Variants in SEMA6D observed in about 807,000 individuals in gnomAD.
The protein encoded by SEMA6D is semaphorin 6D, also known as semaphorin-6D.
SEMA6D carries 35 observed loss-of-function variants against 106.6 expected under a neutral mutation model. The ratio of observed to expected loss-of-function variants is 0.33; its 90% CI spans 0.25 to 0.44. SEMA6D has a LOEUF of 0.44. SEMA6D is among the 20% of genes least tolerant of loss of function. The pLI is 1.00. For synonymous variants in SEMA6D, 499 were observed against 487.7 expected (o/e 1.02, Z -0.31); for missense variants, 1,185 against 1,345.9 (o/e 0.88, Z 1.87).
chr15:47,326,219 T>G (rs1211193570), intron 1 of SEMA6D, among the ~76,000 whole-genome samples: 2 of 152,220 alleles, frequency 1.3e-5, no homozygotes, highest in Non-Finnish European at 2.9e-5. Context: ...TTCACAATCA[T>G]GCTTAAAATC....
intron 4 of SEMA6D, among the ~76,000 whole-genome samples, chr15:47,634,909 A>C (rs1044947382): frequency 1.3e-5 from 2 of 152,160 alleles, no homozygotes; most frequent in African/African-American, 4.8e-5. Flanking sequence ...GTCTGACTGG[A>C]ATGTGGAAGG....
chr15:47,720,445 G>A (rs1481693183), intron 1 of SEMA6D, among the ~76,000 whole-genome samples: 4 of 151,844 alleles, frequency 2.6e-5, no homozygotes, highest in Non-Finnish European at 5.9e-5. Flanking sequence ...GCACCATCTG[G>A]TCATGTCTCC....
At chr15:47,511,516 C>A (rs539015547) in intron 3 of SEMA6D, among the ~76,000 whole-genome samples, 5 of 152,110 alleles carry the variant, frequency 3.3e-5, no homozygotes, top group Non-Finnish European at 7.3e-5. Context: ...TTCACTACCC[C>A]CCTCCTGCCA....
intron 2 of SEMA6D, among the ~76,000 whole-genome samples, chr15:47,437,368 A>G (rs1299403239): frequency 6.6e-6 from 1 of 152,136 alleles, no homozygotes; most frequent in African/African-American, 2.4e-5. Flanking sequence ...GTAGGCAGTA[A>G]TAAAGTTTAC....
At chr15:47,644,185 AT>A (rs2077539588) in intron 4 of SEMA6D, among the ~76,000 whole-genome samples, 2 of 152,144 alleles carry the variant, frequency 1.3e-5, no homozygotes, top group South Asian at 4.1e-4. Context: ...CCCACTTAAT[AT>A]TTACTCCTTC....
chr15:47,638,048 A>G (rs1319340207), intron 4 of SEMA6D, among the ~76,000 whole-genome samples: 1 of 152,250 alleles, frequency 6.6e-6, no homozygotes, highest in Non-Finnish European at 1.5e-5. Context: ...AAACTTATTT[A>G]AAATTTGGTG....
intron 2 of SEMA6D, among the ~76,000 whole-genome samples, chr15:47,412,849 A>G (rs891208407): frequency 6.6e-6 from 1 of 152,230 alleles, no homozygotes; most frequent in Non-Finnish European, 1.5e-5. Flanking sequence ...TCTGTTTTCA[A>G]TTCTGCATGG....
intron 1 of SEMA6D, among the ~76,000 whole-genome samples, chr15:47,759,093 C>T (rs1218032150): frequency 9.9e-5 from 15 of 152,094 alleles, no homozygotes; most frequent in Admixed American, 9.2e-4. Context: ...CCTTGCTTTG[C>T]TTGATTGGTT....
intron 3 of SEMA6D, among the ~76,000 whole-genome samples, chr15:47,568,070 G>T (rs769644631): frequency 6.6e-6 from 1 of 151,722 alleles, no homozygotes; most frequent in Admixed American, 6.6e-5. Context: ...TCAAATTTCA[G>T]AGGTAATGTA....
At chr15:47,529,281 G>T (rs2044868465) in intron 3 of SEMA6D, among the ~76,000 whole-genome samples, 1 of 152,116 alleles carries the variant, frequency 6.6e-6, no homozygotes, top group Non-Finnish European at 1.5e-5. Context: ...CTGTCTCATG[G>T]GTGGCAAAGG....
intron 1 of SEMA6D, among the ~76,000 whole-genome samples, chr15:47,227,427 T>TTCTTTC: frequency 9.3e-6 from 1 of 107,272 alleles, no homozygotes; most frequent in East Asian, 2.1e-4. Flanking sequence ...TTCTCTTTCT[T>TTCTTTC]TCTTTCTTTC....
chr15:47,303,493 T>C (rs978406653), intron 1 of SEMA6D, among the ~76,000 whole-genome samples: 3 of 152,206 alleles, frequency 2.0e-5, no homozygotes, highest in African/African-American at 7.2e-5. Flanking sequence ...TTTAAAATCA[T>C]GCACCGTTTC....
At chr15:47,357,644 A>G (rs2038638441) in intron 1 of SEMA6D, among the ~76,000 whole-genome samples, 1 of 152,118 alleles carries the variant, frequency 6.6e-6, no homozygotes, top group South Asian at 2.1e-4. Context: ...CTGCCTGCTT[A>G]CATTCTAGCC....
chr15:47,501,866 TG>T lies in SEMA6D; in HGVS notation c.-87+31322del, dbSNP rs1272016667. 1.9e-4 allele frequency among the ~76,000 whole-genome samples: 22 copies of T among 114,274 alleles called. No individual in the cohort carries two copies. In the East Asian group the frequency reaches 2.4e-3, roughly 12 times the overall value. The allele number at this position is 114,274 out of a possible 152,430, so 75.0% of individuals were successfully genotyped here. A position where few individuals can be genotyped will look rare whatever the true frequency, so the allele number is the denominator to read the frequency against. ...CTGGAGGAGATTTTTGGTTTTGTTT[TG>T]TTTTGTTTTGTTTTACTATAAGCTT... is the stretch of plus-strand genomic sequence containing the variant. On this transcript the variant is annotated intron_variant, in intron 3 of 19. Transcript: ENST00000558014.
chr15:47,483,133 T>A (rs957502958), intron 3 of SEMA6D, among the ~76,000 whole-genome samples: 2 of 152,144 alleles, frequency 1.3e-5, no homozygotes, highest in Non-Finnish European at 2.9e-5. Context: ...TTTGGGGGCA[T>A]GGAGGGAATT....
intron 3 of SEMA6D, among the ~76,000 whole-genome samples, chr15:47,540,080 T>C (rs2045308332): frequency 6.6e-6 from 1 of 152,078 alleles, no homozygotes; most frequent in Admixed American, 6.6e-5. Context: ...GTGTTGCACT[T>C]ACATTTGAAT....
chr15:47,243,369 C>G (rs2033026811), intron 1 of SEMA6D, among the ~76,000 whole-genome samples: 1 of 150,790 alleles, frequency 6.6e-6, no homozygotes, highest in Non-Finnish European at 1.5e-5. Flanking sequence ...TTTAAGAGCC[C>G]AGGAGGCAAG....
At chr15:47,602,355 A>G (rs1435755) in intron 4 of SEMA6D, among the ~76,000 whole-genome samples, 44,397 of 152,054 alleles carry the variant, frequency 0.29, 8,290 homozygotes, top group African/African-American at 0.52. Context: ...CCAATTAAAC[A>G]GGATAACTAA....
chr15:47,760,909 A>C, intron 3 of SEMA6D, 69 bp from the exon 4 acceptor site: 1 of 1,388,508 alleles, frequency 7.2e-7, no homozygotes, highest in Non-Finnish European at 1.0e-6. Flanking sequence ...ATCTGTAAAA[A>C]TAAAAAAGGA....
Sources: allele counts gnomAD v4.1 joint callset (sites outside exome capture counted in the v4.1 genomes callset), GRCh38; gene constraint gnomAD v4.1.1; transcripts MANE v1.5; gene names NCBI Gene and HGNC (gene_info 2026-07-23, HGNC 2026-07-21).